Variants in SH3BGRL2 observed in about 807,000 individuals in gnomAD.
SH3BGRL2 encodes the protein SH3 domain-binding glutamic acid-rich-like protein 2.
A neutral mutation model predicts 14.8 loss-of-function variants in SH3BGRL2; 21 were observed. The observed-to-expected ratio is 1.42, with a 90% CI of 1.01 to 2.05. SH3BGRL2 has a LOEUF of 2.05. Ranked by LOEUF, SH3BGRL2 falls within the 30% of genes most tolerant of loss-of-function variation. The pLI, the probability that SH3BGRL2 is intolerant of heterozygous loss-of-function variation, is 0.00. For missense variants in SH3BGRL2, 147 were observed against 130.8 expected (o/e 1.12, Z -0.61); for synonymous variants, 50 against 47.8 (o/e 1.05, Z -0.19).
At chr6:79,657,086 A>G (rs761427090) in intron 1 of SH3BGRL2, among the ~76,000 whole-genome samples, 14 of 152,208 alleles carry the variant, frequency 9.2e-5, no homozygotes, top group Admixed American at 3.3e-4. Flanking sequence ...GCGCAGCAAG[A>G]TTAGATTCCA....
the SH3BGRL2 span, among the ~76,000 whole-genome samples, chr6:79,587,891 T>C: frequency 3.9e-5 from 6 of 152,130 alleles, no homozygotes; most frequent in African/African-American, 1.4e-4. Context: ...AAAAAGAAGT[T>C]TGGGTTGAGT....
Position 79,696,538 on chromosome 6 carries a change from A to C in SH3BGRL2, c.285A>C (p.Leu95Phe). 1 of 1,573,780 alleles carries C rather than the reference A, an allele frequency of 6.4e-7. No homozygotes were observed. The highest frequency in any genetic ancestry group is 1.2e-5 in the South Asian group (1 of 82,318). Residue 95 changes from leucine to phenylalanine, a missense_variant, in exon 3 of 4, where the codon TTA becomes TTC. Physicochemically the swap from Leu to Phe is conservative, Grantham distance 22. Transcript: ENST00000369838. ...AAAGCAACACAGTCTTTTCATTTTT[A>C]GGCCTGAAACCACGGTTGGCATCAA... ...SKESNTVFSF[L>F]GLKPRLASKA...
chr6:79,692,888 G>T (rs1770253669), intron 2 of SH3BGRL2, among the ~76,000 whole-genome samples: 1 of 152,162 alleles, frequency 6.6e-6, no homozygotes, highest in South Asian at 2.1e-4. Context: ...TTCCAATCCT[G>T]TGAAGAAAGT....
the SH3BGRL2 span, among the ~76,000 whole-genome samples, chr6:79,562,904 A>T: frequency 7.2e-5 from 11 of 151,970 alleles, 1 homozygote; most frequent in Admixed American, 2.6e-4. Context: ...CCTGGGCTGC[A>T]TGCAGCCTAC....
the SH3BGRL2 span, among the ~76,000 whole-genome samples, chr6:79,596,206 T>C: frequency 6.6e-6 from 1 of 152,258 alleles, no homozygotes; most frequent in Non-Finnish European, 1.5e-5. Flanking sequence ...TCACCCAGGC[T>C]AGAGTGCAGT....
chr6:79,696,752 T>C (rs1770340430), intron 3 of SH3BGRL2, among the ~76,000 whole-genome samples, 187 bp downstream of exon 3: 1 of 152,100 alleles, frequency 6.6e-6, no homozygotes. Flanking sequence ...TTTTTGTTTT[T>C]CCCCCCAATT....
the SH3BGRL2 span, among the ~76,000 whole-genome samples, chr6:79,591,219 A>G: frequency 2.0e-5 from 3 of 152,218 alleles, no homozygotes; most frequent in East Asian, 1.9e-4. Context: ...GAAGACAAGC[A>G]TATAGAGGAG....
chr6:79,625,726 G>A, the SH3BGRL2 span, among the ~76,000 whole-genome samples: 3 of 152,162 alleles, frequency 2.0e-5, no homozygotes, highest in Admixed American at 1.3e-4. Context: ...TATGTGCCAG[G>A]CATGGTGTCA....
At chr6:79,653,474 C>T (rs1769344980) in intron 1 of SH3BGRL2, among the ~76,000 whole-genome samples, 1 of 152,072 alleles carries the variant, frequency 6.6e-6, no homozygotes, top group Non-Finnish European at 1.5e-5. Context: ...TATGTGTGTC[C>T]TGGCTGTTGG....
At chr6:79,558,680 C>T in the SH3BGRL2 span, among the ~76,000 whole-genome samples, 9 of 151,096 alleles carry the variant, frequency 6.0e-5, no homozygotes, top group Non-Finnish European at 1.3e-4. Flanking sequence ...GCCTGGGCAA[C>T]ATGGCGAAAC....
At chr6:79,695,391 T>C (rs1170821874) in intron 2 of SH3BGRL2, among the ~76,000 whole-genome samples, 1 of 152,182 alleles carries the variant, frequency 6.6e-6, no homozygotes, top group East Asian at 1.9e-4. Flanking sequence ...AATTCAAAGA[T>C]TTTTTAATCA....
the SH3BGRL2 span, among the ~76,000 whole-genome samples, chr6:79,590,163 G>T: frequency 6.6e-6 from 1 of 151,890 alleles, no homozygotes; most frequent in South Asian, 2.1e-4. Flanking sequence ...AAATGCTGGC[G>T]AGGCTGTGGA....
chr6:79,599,634 A>G, the SH3BGRL2 span, among the ~76,000 whole-genome samples: 1 of 152,106 alleles, frequency 6.6e-6, no homozygotes, highest in African/African-American at 2.4e-5. Flanking sequence ...AGCTCTTTTA[A>G]TTACAGCAAA....
chr6:79,568,832 C>T, the SH3BGRL2 span, among the ~76,000 whole-genome samples: 1 of 151,942 alleles, frequency 6.6e-6, no homozygotes, highest in Non-Finnish European at 1.5e-5. Flanking sequence ...TTTTATTTTT[C>T]TTATCTATAT....
rs1005748453 is a variant in SH3BGRL2, at chr6:79,700,787, A to G, written c.*1278A>G. 1 of 152,204 alleles carries G rather than the reference A, an allele frequency of 6.6e-6. No homozygotes were observed. Among genetic ancestry groups the G allele is most frequent in the African/African-American group, 2.4e-5 (1 of 41,458 alleles). 9.4% of individuals were successfully genotyped at this position (152,204 alleles called of 1,614,324 possible). Reference sequence around the variant, plus strand: ...GCTATTTTTCTGCATTCTTGTCCCTATAACAGGGATGCTTAATTTTTTTTT... The same window carrying G: ...GCTATTTTTCTGCATTCTTGTCCCTGTAACAGGGATGCTTAATTTTTTTTT... On this transcript the variant is annotated 3_prime_UTR_variant, in exon 4 of 4. Transcript: ENST00000369838.
chr6:79,676,135 T>G (rs570081570), intron 2 of SH3BGRL2, among the ~76,000 whole-genome samples: 1 of 152,290 alleles, frequency 6.6e-6, no homozygotes, highest in Admixed American at 6.5e-5. Context: ...TGGGAATCTC[T>G]GCCTGGCTAT....
At chr6:79,688,635 G>C (rs1770148918) in intron 2 of SH3BGRL2, among the ~76,000 whole-genome samples, 1 of 152,034 alleles carries the variant, frequency 6.6e-6, no homozygotes, top group Non-Finnish European at 1.5e-5. Flanking sequence ...AAAATACAGT[G>C]CTTTTAACCT....
chr6:79,603,580 T>C, the SH3BGRL2 span, among the ~76,000 whole-genome samples: 48,389 of 152,024 alleles, frequency 0.32, 8,029 homozygotes, highest in Middle Eastern at 0.47. Flanking sequence ...TCTAAACTGA[T>C]ATCACTCACT....
At chr6:79,561,606 G>A in the SH3BGRL2 span, 233 of 152,288 alleles carry the variant, frequency 1.5e-3, no homozygotes, top group African/African-American at 4.8e-3. Flanking sequence ...TACTACACTG[G>A]ACTTGGATCG....
Sources: gnomAD v4.1 joint callset for allele counts (sites outside exome capture counted in the v4.1 genomes callset) on GRCh38, gnomAD v4.1.1 for gene constraint, MANE v1.5 for transcripts, NCBI Gene and HGNC (gene_info 2026-07-23, HGNC 2026-07-21) for gene names.